ABCC12: variants seen among roughly 807,000 people sequenced by gnomAD.
ABCC12 encodes ATP binding cassette subfamily C member 12.
ABCC12 carries 142 observed loss-of-function variants against 151.1 expected under a neutral mutation model. The observed-to-expected ratio is 0.94, with a 90% confidence interval of 0.82 to 1.08. The LOEUF (loss-of-function observed/expected upper bound fraction) is 1.08, where lower values mean the gene tolerates loss of function less well. ABCC12 is among the 50% of genes least tolerant of loss of function. The pLI is 0.00. For synonymous variants in ABCC12, 645 were observed against 646.4 expected (o/e 1.00, Z 0.03); for missense variants, 1,638 against 1,691.1 (o/e 0.97, Z 0.55).
chr16:48,136,712 G>A (rs895716588), intron 8 of ABCC12, among the ~76,000 whole-genome samples: 12 of 152,192 alleles, frequency 7.9e-5, no homozygotes, highest in African/African-American at 2.7e-4. Context: ...TGGACATTGA[G>A]AAGAGACCTA....
chr16:48,111,744 A>G (rs769823367), intron 16 of ABCC12, 32 bp downstream of exon 16: 9 of 1,613,886 alleles, frequency 5.6e-6, no homozygotes, highest in African/African-American at 4.0e-5. Context: ...TTCCGCCCCA[A>G]TTGTTCCCAC....
intron 21 of ABCC12, 132 bp from the exon 22 acceptor site, chr16:48,104,500 T>A: frequency 1.3e-6 from 1 of 763,712 alleles, no homozygotes; most frequent in Non-Finnish European, 2.1e-6. Context: ...TGTCAGGTGA[T>A]CTTGGGAAAG....
chr16:48,148,852 C>T (rs1965078158), intron 2 of ABCC12, among the ~76,000 whole-genome samples: 1 of 151,768 alleles, frequency 6.6e-6, no homozygotes, highest in Non-Finnish European at 1.5e-5. Flanking sequence ...CAAACATTTC[C>T]TTTTCTAAGA....
At chr16:48,147,830 T>C (rs1965050141) in intron 2 of ABCC12, among the ~76,000 whole-genome samples, 1 of 152,240 alleles carries the variant, frequency 6.6e-6, no homozygotes, top group Admixed American at 6.5e-5. Context: ...CTCAAAAAGA[T>C]AAATCCCCCA....
In ABCC12 at chr16:48,081,105, C is replaced by T. The variant is rs1286064614; in HGVS notation, c.*2610G>A. On this transcript the variant is annotated 3_prime_UTR_variant, in exon 31 of 31. Transcript: ENST00000311303. The stretch of plus-strand genomic sequence containing the variant: ...TCCACCCTCATGACCTAATTAATCA[C>T]CTCCTAAAGGCCCTACCTCTATACT... Among the ~76,000 whole-genome samples, 1 of 152,152 alleles carries T rather than the reference C, an allele frequency of 6.6e-6. No homozygotes were observed. Among genetic ancestry groups the T allele is most frequent in the Non-Finnish European group, 1.5e-5 (1 of 68,042 alleles).
In ABCC12 at chr16:48,084,046, A is replaced by T; in HGVS notation, c.3856T>A (p.Ser1286Thr). 6.2e-7 allele frequency: 1 copy of T among 1,611,124 alleles called. No individual in the cohort carries two copies. The highest frequency in any genetic ancestry group is 8.5e-7 in the Non-Finnish European group (1 of 1,179,336). Residue 1286 changes from serine to threonine, a missense_variant, in exon 30 of 31, where the codon TCT becomes ACT. Ser to Thr is a moderately conservative substitution (Grantham distance 58). Transcript: ENST00000311303. ...KIILLDEATA[S>T]MDSKTDTLVQ... is the part of the protein sequence containing the mutation. ...AGGGTGTCAGTCTTGGAGTCCATAG[A>T]GGCGGTGGCTTCATCAAGGAGAATG... is the stretch of plus-strand genomic sequence containing the variant.
chr16:48,139,289 G>A lies in ABCC12; in HGVS notation c.705C>T (p.Ala235=). ...TGGTGGCTGGCAAAGGACAAAACAA[G>A]GCAGCTTCAAACAAAGAATAGCTAT... is the stretch of plus-strand genomic sequence containing the variant. ...SSDSYSLFEA[A]LFCPLPATIP... The change falls in exon 7 of 31, where the codon GCC becomes GCT. Residue 235 remains alanine (A), a synonymous_variant. Transcript: ENST00000311303. 1 of 1,613,870 alleles carries A rather than the reference G, an allele frequency of 6.2e-7. No homozygotes were observed. Among genetic ancestry groups the A allele is most frequent in the Non-Finnish European group, 8.5e-7 (1 of 1,179,944 alleles).
chr16:48,104,676 T>G (rs1963425531), intron 21 of ABCC12, among the ~76,000 whole-genome samples: 1 of 152,192 alleles, frequency 6.6e-6, no homozygotes, highest in Non-Finnish European at 1.5e-5. Context: ...GGAAGGAATT[T>G]TGTGCCCCAT....
intron 9 of ABCC12, among the ~76,000 whole-genome samples, chr16:48,132,958 G>A (rs1964479439): frequency 6.6e-6 from 1 of 152,050 alleles, no homozygotes; most frequent in Non-Finnish European, 1.5e-5. Flanking sequence ...TTTAAACAAG[G>A]CAGACTGGGC....
At chr16:48,101,601 A>C (rs1963311481) in intron 22 of ABCC12, among the ~76,000 whole-genome samples, 1 of 151,986 alleles carries the variant, frequency 6.6e-6, no homozygotes, top group African/African-American at 2.4e-5. Context: ...AGAGAAGACA[A>C]TCAAACCTCC....
At chr16:48,136,596 T>A (rs1269534765) in intron 8 of ABCC12, among the ~76,000 whole-genome samples, 1 of 152,100 alleles carries the variant, frequency 6.6e-6, no homozygotes, top group East Asian at 1.9e-4. Flanking sequence ...AATAAACAAT[T>A]AAATAATTAC....
chr16:48,103,388 T>C (rs1963371048), intron 22 of ABCC12, among the ~76,000 whole-genome samples: 1 of 152,256 alleles, frequency 6.6e-6, no homozygotes, highest in African/African-American at 2.4e-5. Flanking sequence ...TTATGGAAAC[T>C]CTTGCATAAC....
chr16:48,118,254 C>G (rs1275399328), intron 13 of ABCC12, among the ~76,000 whole-genome samples: 1 of 152,204 alleles, frequency 6.6e-6, no homozygotes, highest in African/African-American at 2.4e-5. Flanking sequence ...ATGTCGTCCC[C>G]ATGTTATGAC....
intron 23 of ABCC12, among the ~76,000 whole-genome samples, chr16:48,098,342 T>C (rs1300433205): frequency 1.3e-5 from 2 of 152,048 alleles, no homozygotes; most frequent in Admixed American, 6.6e-5. Flanking sequence ...TGAAAACCCT[T>C]CCACGCTTAA....
At chr16:48,143,185 G>T (rs1463394484) in intron 4 of ABCC12, among the ~76,000 whole-genome samples, 1 of 152,184 alleles carries the variant, frequency 6.6e-6, no homozygotes, top group Non-Finnish European at 1.5e-5. Context: ...GCTGCATGCT[G>T]GTCAAGTGGG....
intron 23 of ABCC12, among the ~76,000 whole-genome samples, chr16:48,097,372 G>A (rs1963138097): frequency 6.6e-6 from 1 of 152,146 alleles, no homozygotes; most frequent in African/African-American, 2.4e-5. Context: ...GGAAATCAAT[G>A]TTTGTGACTG....
intron 15 of ABCC12, 140 bp downstream of exon 15, chr16:48,115,275 A>T: frequency 1.0e-6 from 1 of 997,134 alleles, no homozygotes; most frequent in Non-Finnish European, 1.5e-6. Context: ...GGGAATCATG[A>T]GTGTCTCTTG....
chr16:48,092,425 T>C (rs184978424), intron 24 of ABCC12, among the ~76,000 whole-genome samples: 1 of 152,214 alleles, frequency 6.6e-6, no homozygotes, highest in East Asian at 1.9e-4. Context: ...GAAGCCAGGG[T>C]ACACAGGGCT....
Position 48,081,271 on chromosome 16 carries a change from C to G in ABCC12, c.*2444G>C, listed in dbSNP as rs1433039318. On this transcript the variant is annotated 3_prime_UTR_variant, in exon 31 of 31. Coordinates refer to ENST00000311303, the MANE Select transcript of ABCC12 (RefSeq NM_001393797.1). Reference sequence around the variant, plus strand: ...TTTGAGGAATTTGGCTAAATGGCTACTATTATTCTACATAGTCTCCCCTTG... The same window carrying G: ...TTTGAGGAATTTGGCTAAATGGCTAGTATTATTCTACATAGTCTCCCCTTG... Among the ~76,000 whole-genome samples, 1 of 152,176 alleles carries G rather than the reference C, an allele frequency of 6.6e-6. No homozygotes were observed. The highest frequency in any genetic ancestry group is 1.5e-5 in the Non-Finnish European group (1 of 68,036).
Sources: gnomAD v4.1 joint callset for allele counts (sites outside exome capture counted in the v4.1 genomes callset) on GRCh38, gnomAD v4.1.1 for gene constraint, MANE v1.5 for transcripts, NCBI Gene and HGNC (gene_info 2026-07-23, HGNC 2026-07-21) for gene names.